MGAT1: variants seen among roughly 807,000 people sequenced by gnomAD.
MGAT1 encodes the protein N-glycosyl-oligosaccharide-glycoprotein N-acetylglucosaminyltransferase I.
A neutral mutation model predicts 31.7 loss-of-function variants in MGAT1; 14 were observed. The ratio of observed to expected loss-of-function variants is 0.44; its 90% confidence interval spans 0.29 to 0.69. The LOEUF (loss-of-function observed/expected upper bound fraction) is 0.69, where lower values mean the gene tolerates loss of function less well. Among genes scored for constraint, MGAT1 ranks in the 30% least tolerant of loss-of-function variants. The probability of loss-of-function intolerance (pLI) is 0.12; values close to 1 mark genes in which losing one functional copy is unlikely to be tolerated. For synonymous variants in MGAT1, 338 were observed against 276.0 expected (o/e 1.22, Z -2.23); for missense variants, 557 against 626.0 (o/e 0.89, Z 1.18).
At chr5:180,804,821 CATCT>C (rs1771618803), upstream of MGAT1, among the ~76,000 whole-genome samples, 1 of 152,162 alleles carries the variant, frequency 6.6e-6, no homozygotes, top group Non-Finnish European at 1.5e-5. Context: ...GATACTTCTC[CATCT>C]AAGGCAGGTG....
intron 1 of MGAT1, chr5:180,810,438 G>C (rs1772438894): frequency 6.5e-6 from 1 of 152,744 alleles, no homozygotes; most frequent in South Asian, 2.1e-4. Flanking sequence ...GTACAGGAGG[G>C]GGAGGGGCAG....
chr5:180,791,612 GC>G lies in MGAT1; in HGVS notation c.*21del. On this transcript the variant is annotated 3_prime_UTR_variant, in exon 2 of 2. Transcript: ENST00000307826. ...TCAGCTCATGATGTGGCAAGGAGGGGCCCAGGAAGGACAGGCAGGTGCTAAT... is the reference window on the plus strand; with the variant it reads ...TCAGCTCATGATGTGGCAAGGAGGGGCCAGGAAGGACAGGCAGGTGCTAAT... 10 of 1,608,254 alleles carry G rather than the reference GC, an allele frequency of 6.2e-6. No individual in the cohort carries two copies. Among genetic ancestry groups the G allele is most frequent in the Non-Finnish European group, 8.5e-6 (10 of 1,176,998 alleles).
chr5:180,814,940 CA>C (rs551527767), intron 1 of MGAT1, among the ~76,000 whole-genome samples: 7,066 of 94,802 alleles, frequency 0.075, 183 homozygotes, highest in Middle Eastern at 0.15. Flanking sequence ...GACTCTGTCT[CA>C]AAAAAAAAAA....
chr5:180,785,594 C>T lies in MGAT1; in HGVS notation c.*6040G>A, dbSNP rs1767515371. 1 of 152,248 alleles carries T rather than the reference C, an allele frequency of 6.6e-6. No individual in the cohort carries two copies. Among genetic ancestry groups the T allele is most frequent in the Non-Finnish European group, 1.5e-5 (1 of 68,070 alleles). The allele number at this position is 152,248 out of a possible 1,614,324, so 9.4% of individuals were successfully genotyped here. On this transcript the variant is annotated 3_prime_UTR_variant, in exon 2 of 2. Transcript: ENST00000307826. The stretch of plus-strand genomic sequence containing the variant: ...GCTCAAGGCCCCAAGTGTGCCTGTT[C>T]TAGCAAGAACCAGGAAGAGGCTGTC...
chr5:180,806,261 G>C (rs1253458782), upstream of MGAT1, among the ~76,000 whole-genome samples: 1 of 152,134 alleles, frequency 6.6e-6, no homozygotes, highest in Non-Finnish European at 1.5e-5. Context: ...ACTCCAGCCT[G>C]GCGACAGAGC....
intron 2 of MGAT1, among the ~76,000 whole-genome samples, chr5:180,807,906 G>A (rs1386844854): frequency 2.6e-5 from 4 of 152,202 alleles, no homozygotes; most frequent in Admixed American, 6.5e-5. Context: ...TTTAAGGCAC[G>A]TAGAGCAACA....
chr5:180,800,921 C>T (rs1770631537), intron 1 of MGAT1, among the ~76,000 whole-genome samples: 1 of 152,256 alleles, frequency 6.6e-6, no homozygotes, highest in Non-Finnish European at 1.5e-5. Context: ...AGACTCAAAA[C>T]TGGCTTTGAC....
Position 180,792,072 on chromosome 5 carries a change from C to A in MGAT1, c.900G>T (p.Gly300=). 1 of 1,613,126 alleles carries A rather than the reference C, an allele frequency of 6.2e-7. No individual in the cohort carries two copies. Among genetic ancestry groups the A allele is most frequent in the Non-Finnish European group, 8.5e-7 (1 of 1,179,888 alleles). ...AGATCTCAGGGCGTATGCAGGCCCG[C>A]CCCTGCCGCTGCTCCGGCCGCCGCA... ...DWMRRPEQRQ[G]RACIRPEISR... The change falls in exon 2 of 2, where the codon GGG becomes GGT. Residue 300 remains glycine (G), a synonymous_variant. Transcript: ENST00000307826.
upstream of MGAT1, among the ~76,000 whole-genome samples, chr5:180,807,018 C>T (rs1006686113): frequency 3.9e-5 from 6 of 152,286 alleles, no homozygotes; most frequent in African/African-American, 9.6e-5. Flanking sequence ...AAGTACAGCT[C>T]GGGAGCAGCA....
At chr5:180,794,830 C>T (rs1172416755) in intron 1 of MGAT1, among the ~76,000 whole-genome samples, 2 of 148,856 alleles carry the variant, frequency 1.3e-5, no homozygotes, top group Non-Finnish European at 1.5e-5. Flanking sequence ...CTCCTGCATG[C>T]CCCATTTCTT....
chr5:180,792,896 G>A lies in MGAT1; in HGVS notation c.76C>T (p.Leu26Phe), dbSNP rs1768540760. Residue 26 changes from leucine to phenylalanine, a missense_variant, in exon 2 of 2, where the codon CTC (leucine) becomes TTC (phenylalanine). Physicochemically the swap from Leu to Phe is conservative, Grantham distance 22 (BLOSUM62 0). Transcript: ENST00000307826. ...LFVAWNALLL[L>F]FFWTRPAPGR... is the part of the protein sequence containing the mutation. ...GGTGCTGGGCGCGTCCAGAAGAAGA[G>A]GAGCAGCAGGGCATTCCAGGCCACA... The A allele has an allele frequency of 6.2e-7, 1 of 1,607,960 alleles. No homozygotes were observed. Among genetic ancestry groups the A allele is most frequent in the Non-Finnish European group, 8.5e-7 (1 of 1,177,656 alleles).
rs998970668 is a variant in MGAT1 at position 180,787,645 on chromosome 5, A to C, written c.*3989T>G. The C allele has an allele frequency of 6.6e-6, 1 of 152,256 alleles. No homozygotes were observed. The highest frequency in any genetic ancestry group is 2.4e-5 in the African/African-American group (1 of 41,464). 9.4% of individuals were successfully genotyped at this position (152,256 alleles called of 1,614,324 possible). A position where few individuals can be genotyped will look rare whatever the true frequency, so the allele number is the denominator to read the frequency against. ...TATCTAAAATGAACATGTAATACGAAAAGCCAGTAGCTGGTATTTGTAAAG... is the reference window on the plus strand; with the variant it reads ...TATCTAAAATGAACATGTAATACGACAAGCCAGTAGCTGGTATTTGTAAAG... On this transcript the variant is annotated 3_prime_UTR_variant, in exon 2 of 2. Coordinates refer to ENST00000307826, the MANE Select transcript of MGAT1 (RefSeq NM_002406.4).
upstream of MGAT1, chr5:180,802,848 TC>T (rs1288512003): frequency 1.3e-5 from 2 of 149,422 alleles, no homozygotes; most frequent in East Asian, 2.1e-4. Flanking sequence ...ACGTGGCCCT[TC>T]CCCGGCAGGC....
Position 180,792,932 on chromosome 5 carries a change from C to T in MGAT1, c.40G>A (p.Ala14Thr), listed in dbSNP as rs1294907192. The T allele has an allele frequency of 4.3e-6, 7 of 1,613,108 alleles. No individual in the cohort carries two copies. Among genetic ancestry groups the T allele is most frequent in the Non-Finnish European group, 5.1e-6 (6 of 1,179,850 alleles). Residue 14 changes from alanine (A) to threonine (T), a missense_variant, in exon 2 of 2, where the codon GCT becomes ACT. Physicochemically the swap from Ala to Thr is moderately conservative, Grantham distance 58. Transcript: ENST00000307826. ...GCATTCCAGGCCACAAAGAGGATAG[C>T]GCCCCACAGCACAAGCCCTGCAGAC... Reference protein sequence around the residue: ...KQSAGLVLWGAILFVAWNALL... With the variant: ...KQSAGLVLWGTILFVAWNALL...
chr5:180,812,129 G>A (rs931204614), intron 1 of MGAT1, among the ~76,000 whole-genome samples: 2 of 152,208 alleles, frequency 1.3e-5, no homozygotes, highest in African/African-American at 4.8e-5. Context: ...TCCCTGAGTG[G>A]AGGCACATTT....
intron 1 of MGAT1, among the ~76,000 whole-genome samples, chr5:180,814,321 T>C (rs1479076723): frequency 6.6e-6 from 1 of 152,222 alleles, no homozygotes; most frequent in Admixed American, 6.5e-5. Flanking sequence ...ACTTGTTCCC[T>C]CAATCTTATT....
At position 180,794,411 on chromosome 5, in the gene MGAT1, T is replaced by TTTTATA. The variant is rs528893463; in HGVS notation, c.-126-1315_-126-1314insTATAAA. On this transcript the variant is annotated intron_variant, in intron 1 of 1. Coordinates refer to ENST00000307826, the MANE Select transcript of MGAT1 (RefSeq NM_002406.4). ...TCTGTCTCAAAAAAATTTTTTTTTA[T>TTTTATA]TATATATATATATATATGGCATACT... 1.3e-3 allele frequency among the ~76,000 whole-genome samples: 188 copies of TTTTATA among 142,030 alleles called. 6 individuals are homozygous for TTTTATA. The highest frequency in any genetic ancestry group is 5.2e-3 in the African/African-American group (183 of 35,522). The allele number at this position is 142,030 out of a possible 152,430, so 93.2% of individuals were successfully genotyped here.
Position 180,793,381 on chromosome 5 carries a change from G to A in MGAT1, c.-126-284C>T, listed in dbSNP as rs149925141. On this transcript the variant is annotated intron_variant, in intron 1 of 1. Coordinates refer to ENST00000307826, the MANE Select transcript of MGAT1 (RefSeq NM_002406.4). Reference sequence around the variant, plus strand: ...TCCCCTCCAGGTGGGAAGGAGGAGGGGAGGGGCAAGGAGTGACAGCATCTG... The same window carrying A: ...TCCCCTCCAGGTGGGAAGGAGGAGGAGAGGGGCAAGGAGTGACAGCATCTG... 6.0e-3 allele frequency among the ~76,000 whole-genome samples: 910 copies of A among 152,242 alleles called. 5 individuals are homozygous for A. Among genetic ancestry groups the A allele is most frequent in the Non-Finnish European group, 9.3e-3 (631 of 68,014 alleles).
chr5:180,787,865 G>A lies in MGAT1; in HGVS notation c.*3769C>T, dbSNP rs1767680952. 6.6e-6 allele frequency: 1 copy of A among 152,340 alleles called. No individual in the cohort carries two copies. Among genetic ancestry groups the A allele is most frequent in the Admixed American group, 6.5e-5 (1 of 15,288 alleles). 9.4% of individuals were successfully genotyped at this position (152,340 alleles called of 1,614,324 possible). A position where few individuals can be genotyped will look rare whatever the true frequency, so the allele number is the denominator to read the frequency against. ...ACTGGGGGCGACTTGATCCACAAAT[G>A]AGATCCCACCAGTGACCCAGGTAAG... On this transcript the variant is annotated 3_prime_UTR_variant, in exon 2 of 2. Transcript: ENST00000307826.
Sources: gnomAD v4.1 joint callset for allele counts (sites outside exome capture counted in the v4.1 genomes callset) on GRCh38, gnomAD v4.1.1 for gene constraint, MANE v1.5 for transcripts, NCBI Gene and HGNC (gene_info 2026-07-23, HGNC 2026-07-21) for gene names.